FUNDC1: variants seen among roughly 807,000 people sequenced by gnomAD.
FUNDC1 encodes FUN14 domain containing 1.
In FUNDC1, 10 loss-of-function variants were observed where a neutral mutation model predicts 14.5. The observed-to-expected ratio is 0.69, with a 90% confidence interval of 0.43 to 1.17. The LOEUF is 1.17. Ranked by LOEUF, FUNDC1 falls within the 50% of genes most tolerant of loss-of-function variation. The probability of loss-of-function intolerance (pLI) is 0.00; values close to 1 mark genes in which losing one functional copy is unlikely to be tolerated. For synonymous variants in FUNDC1, 33 were observed against 39.7 expected (o/e 0.83, Z 0.64); for missense variants, 115 against 113.8 (o/e 1.01, Z -0.05).
intron 4 of FUNDC1, among the ~76,000 whole-genome samples, chrX:44,526,832 C>T (rs1008411529): frequency 9.0e-6 from 1 of 110,516 alleles, no homozygotes; most frequent in Non-Finnish European, 1.9e-5. Flanking sequence ...GGTCAAATTA[C>T]ACCTGAAAAC....
intron 3 of FUNDC1, 144 bp downstream of exon 3, chrX:44,538,323 A>G: frequency 2.1e-6 from 1 of 469,696 alleles, no homozygotes; most frequent in East Asian, 3.6e-5. Flanking sequence ...ACTATGCTTA[A>G]TAACTCAGAA....
chrX:44,533,992 G>A (rs1456865879), intron 3 of FUNDC1, among the ~76,000 whole-genome samples: 2 of 108,103 alleles, frequency 1.9e-5, no homozygotes, highest in East Asian at 5.8e-4. Context: ...CTGAGCCCGG[G>A]AGGTCAAGGC....
chrX:44,528,871 T>G (rs1481364846), intron 3 of FUNDC1, among the ~76,000 whole-genome samples: 2 of 110,774 alleles, frequency 1.8e-5, no homozygotes, highest in Non-Finnish European at 3.8e-5. Flanking sequence ...TGATTTTTTG[T>G]TTTTTAGTAG....
At chrX:44,532,127 G>A (rs2038928225) in intron 3 of FUNDC1, among the ~76,000 whole-genome samples, 1 of 110,691 alleles carries the variant, frequency 9.0e-6, no homozygotes, top group Admixed American at 9.7e-5. Flanking sequence ...CGGCACGGTG[G>A]CTCATGCCTG....
intron 3 of FUNDC1, among the ~76,000 whole-genome samples, chrX:44,529,418 A>T (rs1019155985): frequency 9.0e-6 from 1 of 111,232 alleles, no homozygotes; most frequent in African/African-American, 3.3e-5. Context: ...TTGAGATGCT[A>T]AAGATACTAA....
chrX:44,533,637 A>AC (rs1445964389), intron 3 of FUNDC1, among the ~76,000 whole-genome samples: 1 of 105,579 alleles, frequency 9.5e-6, no homozygotes, highest in African/African-American at 3.5e-5. Context: ...CAAAAAAAAA[A>AC]AAAAAAAAAA....
intron 3 of FUNDC1, among the ~76,000 whole-genome samples, chrX:44,531,247 AACACACACACACACAC>A (rs759868973): frequency 2.0e-5 from 1 of 50,422 alleles, no homozygotes; most frequent in African/African-American, 1.7e-4. Context: ...TTTCCAGAAA[AACACACACACACACAC>A]ACACACACAC....
At chrX:44,532,045 T>G (rs1212900144) in intron 3 of FUNDC1, among the ~76,000 whole-genome samples, 1 of 110,958 alleles carries the variant, frequency 9.0e-6, no homozygotes, top group Non-Finnish European at 1.9e-5. Context: ...TTCAGAAAGG[T>G]GGAGCATAAT....
At chrX:44,526,717 T>C (rs2038903876) in intron 4 of FUNDC1, among the ~76,000 whole-genome samples, 1 of 111,009 alleles carries the variant, frequency 9.0e-6, no homozygotes, top group Admixed American at 9.7e-5. Context: ...ACTTTTTAAC[T>C]GGTTTGAATT....
chrX:44,524,232 A>G lies in FUNDC1; in HGVS notation c.434T>C (p.Phe145Ser). The change falls in exon 5 of 5, where the codon TTT (phenylalanine) becomes TCT (serine). Residue 145 changes from phenylalanine (F) to serine (S), a missense_variant. By Grantham distance (155) the Phe-to-Ser change is radical. Coordinates refer to ENST00000378045, the MANE Select transcript of FUNDC1 (RefSeq NM_173794.4). Reference sequence around the variant, plus strand: ...AAGTCCGAGCAAAAAGCCTCCCACAAATCCACTGGATATCACAATGTTCTG... The same window carrying G: ...AAGTCCGAGCAAAAAGCCTCCCACAGATCCACTGGATATCACAATGTTCTG... ...IKQNIVISSG[F>S]VGGFLLGLAS is the part of the protein sequence containing the mutation. 8.3e-7 allele frequency: 1 copy of G among 1,205,988 alleles called. No individual in the cohort carries two copies. Among genetic ancestry groups the G allele is most frequent in the Non-Finnish European group, 1.1e-6 (1 of 890,710 alleles).
intron 4 of FUNDC1, 138 bp downstream of exon 4, chrX:44,527,099 A>G (rs2038905459): frequency 2.6e-6 from 1 of 378,683 alleles, no homozygotes; most frequent in Non-Finnish European, 4.3e-6. Context: ...AATTTTACTT[A>G]ACACTCTAGA....
chrX:44,539,978 A>G (rs1248216971), intron 2 of FUNDC1, among the ~76,000 whole-genome samples: 2 of 110,791 alleles, frequency 1.8e-5, no homozygotes, highest in East Asian at 5.7e-4. Flanking sequence ...CCACAGTTCT[A>G]TATATTTTAT....
At chrX:44,526,489 G>GGC (rs2038902947) in intron 4 of FUNDC1, among the ~76,000 whole-genome samples, 1 of 78,755 alleles carries the variant, frequency 1.3e-5, no homozygotes, top group East Asian at 4.9e-4. Flanking sequence ...AATAAAAAAG[G>GGC]GGGGGGGGCG....
chrX:44,526,496 G>GT (rs1262975692), intron 4 of FUNDC1, among the ~76,000 whole-genome samples: 2 of 106,709 alleles, frequency 1.9e-5, no homozygotes, highest in Non-Finnish European at 3.9e-5. Flanking sequence ...AAGGGGGGGG[G>GT]GCGTATTCAT....
intron 3 of FUNDC1, among the ~76,000 whole-genome samples, chrX:44,536,895 A>G (rs916390956): frequency 1.8e-5 from 2 of 112,324 alleles, no homozygotes; most frequent in African/African-American, 3.2e-5. Flanking sequence ...TATCTATTGG[A>G]AAACACTTGA....
chrX:44,531,279 C>CAG (rs2038922607), intron 3 of FUNDC1, among the ~76,000 whole-genome samples: 1 of 56,255 alleles, frequency 1.8e-5, no homozygotes, highest in African/African-American at 2.8e-4. Context: ...CACACACACA[C>CAG]ACACACGGCT....
intron 2 of FUNDC1, among the ~76,000 whole-genome samples, chrX:44,541,461 C>CA (rs1287384734): frequency 9.0e-6 from 1 of 111,519 alleles, no homozygotes; most frequent in Non-Finnish European, 1.9e-5. Flanking sequence ...AACGAGCCCA[C>CA]AAAAAACAGA....
In FUNDC1 at chrX:44,531,424, G is replaced by C. The variant is rs754277450; in HGVS notation, c.262-4059C>G. 1.5e-4 allele frequency among the ~76,000 whole-genome samples: 16 copies of C among 105,860 alleles called. No individual in the cohort carries two copies. In the South Asian group the frequency reaches 6.5e-3, roughly 43 times the overall value. 91.9% of individuals were successfully genotyped at this position (105,860 alleles called of 115,157 possible). ...CAGAAAGCTCTAAACAGGTAGATGG[G>C]GCTTTTTGCTTGTGAACTTCACCAT... On this transcript the variant is annotated intron_variant, in intron 3 of 4. Transcript: ENST00000378045.
rs750827682 is a variant in FUNDC1 at position 44,542,074 on chromosome X, T to C, written c.56A>G (p.Glu19Gly). ...TGCATACTCAGTTAAATCCAACACT[T>C]CATAAGAGTCGTCATCACTTTCATA... ...QDYESDDDSY[E>G]VLDLTEYARR... Residue 19 changes from glutamate to glycine, a missense_variant, in exon 2 of 5, where the codon GAA (glutamate) becomes GGA (glycine). Physicochemically the swap from Glu to Gly is moderately conservative, Grantham distance 98 (BLOSUM62 -2). Transcript: ENST00000378045. 10 of 1,201,255 alleles carry C rather than the reference T, an allele frequency of 8.3e-6. No individual in the cohort carries two copies. The highest frequency in any genetic ancestry group is 1.1e-5 in the Non-Finnish European group (10 of 889,106).
Sources: gnomAD v4.1 joint callset for allele counts (sites outside exome capture counted in the v4.1 genomes callset) on GRCh38, gnomAD v4.1.1 for gene constraint, MANE v1.5 for transcripts, NCBI Gene and HGNC (gene_info 2026-07-23, HGNC 2026-07-21) for gene names.